RANBP2: variants seen among roughly 807,000 people sequenced by gnomAD.
RANBP2 encodes RAN binding protein 2.
A neutral mutation model predicts 303.6 loss-of-function variants in RANBP2; 57 were observed. That is an observed-to-expected ratio of 0.19 (90% confidence interval 0.15 to 0.23). The LOEUF (loss-of-function observed/expected upper bound fraction) is 0.23, where lower values mean the gene tolerates loss of function less well. Among genes scored for constraint, RANBP2 ranks in the 10% least tolerant of loss-of-function variants. RANBP2 has a pLI of 1.00. For synonymous variants in RANBP2, 1,167 were observed against 1,301.5 expected, an observed-to-expected ratio of 0.90 and a Z score of 2.23; for missense variants, 3,138 against 3,780.8, an observed-to-expected ratio of 0.83 and a Z score of 4.46.
the RANBP2 span, among the ~76,000 whole-genome samples, chr2:109,082,904 C>A: frequency 2.0e-5 from 3 of 150,888 alleles, no homozygotes; most frequent in Admixed American, 2.0e-4. Flanking sequence ...CAGCTCACTG[C>A]AAGCTCCGCC....
chr2:109,605,424 C>T, the RANBP2 span: 8 of 151,940 alleles, frequency 5.3e-5, no homozygotes, highest in East Asian at 1.9e-4. Flanking sequence ...GAGCTGAGAT[C>T]GTACCACTGC....
the RANBP2 span, among the ~76,000 whole-genome samples, chr2:108,875,333 A>G: frequency 1.5e-5 from 2 of 129,706 alleles, no homozygotes; most frequent in African/African-American, 5.3e-5. Context: ...AAAAAAAAAA[A>G]AAAGAAACAA....
chr2:109,061,226 G>A, the RANBP2 span, among the ~76,000 whole-genome samples: 1 of 152,102 alleles, frequency 6.6e-6, no homozygotes, highest in South Asian at 2.1e-4. Context: ...GAGAGTGTGT[G>A]TACTTATGCA....
the RANBP2 span, among the ~76,000 whole-genome samples, chr2:109,660,950 T>C: frequency 2.0e-5 from 3 of 152,224 alleles, no homozygotes; most frequent in African/African-American, 7.2e-5. Context: ...CAGCTCTAGC[T>C]TGACCTCTGT....
the RANBP2 span, chr2:109,614,596 A>G: frequency 3.0e-4 from 436 of 1,440,014 alleles, no homozygotes; most frequent in Non-Finnish European, 3.8e-4. Flanking sequence ...GAGCTGGTGC[A>G]GCACTTCAGG....
At chr2:109,550,024 C>T in the RANBP2 span, among the ~76,000 whole-genome samples, 1 of 152,026 alleles carries the variant, frequency 6.6e-6, no homozygotes, top group Non-Finnish European at 1.5e-5. Context: ...ACTCAAAGAT[C>T]CTTTTAAAAG....
At chr2:109,074,657 A>G in the RANBP2 span, among the ~76,000 whole-genome samples, 1 of 150,222 alleles carries the variant, frequency 6.7e-6, no homozygotes, top group African/African-American at 2.4e-5. Context: ...CCAAGATCAC[A>G]CCGCTAGACT....
the RANBP2 span, among the ~76,000 whole-genome samples, chr2:109,266,926 G>C: frequency 6.6e-6 from 1 of 152,252 alleles, no homozygotes; most frequent in Non-Finnish European, 1.5e-5. Flanking sequence ...AGGAGAGGAT[G>C]TCTGTGAGCT....
the RANBP2 span, among the ~76,000 whole-genome samples, chr2:108,806,849 A>G: frequency 3.3e-5 from 5 of 152,240 alleles, no homozygotes; most frequent in Admixed American, 6.5e-5. Flanking sequence ...CAAGCTGAGG[A>G]GGCAAGGATT....
chr2:108,822,527 A>G, the RANBP2 span, among the ~76,000 whole-genome samples: 1 of 152,216 alleles, frequency 6.6e-6, no homozygotes, highest in Non-Finnish European at 1.5e-5. Context: ...TGTACATGGA[A>G]CATCCTCCAG....
the RANBP2 span, among the ~76,000 whole-genome samples, chr2:109,114,026 G>A: frequency 1.3e-5 from 2 of 152,064 alleles, no homozygotes; most frequent in Non-Finnish European, 1.5e-5. Flanking sequence ...GTGCTGCTGG[G>A]TTCGGTTTGC....
intron 7 of RANBP2, among the ~76,000 whole-genome samples, chr2:108,746,150 C>G (rs1465226708): frequency 6.6e-6 from 1 of 151,774 alleles, no homozygotes; most frequent in African/African-American, 2.4e-5. Context: ...TCAAGCGATC[C>G]CCCCACCTTG....
intron 19 of RANBP2, 45 bp from the exon 20 acceptor site, chr2:108,763,192 G>A (rs915863094): frequency 6.3e-7 from 1 of 1,594,218 alleles, no homozygotes; most frequent in Non-Finnish European, 8.6e-7. Context: ...GTTATCTGTA[G>A]TTTTGTAGAC....
chr2:108,783,664 A>G lies in RANBP2; in HGVS notation c.9438A>G (p.Glu3146=). Residue 3146 remains glutamate (E), a synonymous_variant, in exon 29 of 29, where the codon GAA becomes GAG. Coordinates refer to ENST00000283195, the MANE Select transcript of RANBP2 (RefSeq NM_006267.5). ...TTTATGGAGACAAATTTGAAGATGA[A>G]AATTTTGATGTGAAACATACTGGTC... ...QSIYGDKFED[E]NFDVKHTGPG... is the part of the protein sequence containing the mutation. 1 of 1,611,790 alleles carries G rather than the reference A, an allele frequency of 6.2e-7. No homozygotes were observed. Among genetic ancestry groups the G allele is most frequent in the African/African-American group, 1.3e-5 (1 of 75,008 alleles).
chr2:109,173,376 C>T, the RANBP2 span, among the ~76,000 whole-genome samples: 8 of 152,246 alleles, frequency 5.3e-5, no homozygotes, highest in East Asian at 1.5e-3. Flanking sequence ...GGTTGTCTAT[C>T]GTGTGACTGT....
the RANBP2 span, among the ~76,000 whole-genome samples, chr2:109,239,317 G>A: frequency 5.9e-5 from 9 of 152,148 alleles, no homozygotes; most frequent in Non-Finnish European, 4.4e-5. Context: ...TTCCTAGGGG[G>A]CTATAGGAGT....
chr2:109,410,221 G>A, the RANBP2 span, among the ~76,000 whole-genome samples: 1 of 152,216 alleles, frequency 6.6e-6, no homozygotes, highest in Non-Finnish European at 1.5e-5. Context: ...CCAACCAGGG[G>A]AGGCTGGAAT....
At chr2:109,136,838 T>G in the RANBP2 span, among the ~76,000 whole-genome samples, 2 of 152,126 alleles carry the variant, frequency 1.3e-5, no homozygotes. Context: ...GAAGCATGCT[T>G]GCACCGGGGC....
At chr2:109,249,588 C>CTTT in the RANBP2 span, among the ~76,000 whole-genome samples, 3 of 134,514 alleles carry the variant, frequency 2.2e-5, no homozygotes, top group African/African-American at 9.1e-5. Flanking sequence ...TCCTTCCTTT[C>CTTT]CTTTCTTTCT....
Sources: gnomAD v4.1 joint callset for allele counts (sites outside exome capture counted in the v4.1 genomes callset) on GRCh38, gnomAD v4.1.1 for gene constraint, MANE v1.5 for transcripts, NCBI Gene and HGNC (gene_info 2026-07-23, HGNC 2026-07-21) for gene names.